DMD: variants seen among roughly 807,000 people sequenced by gnomAD.
The protein encoded by DMD is mutant dystrophin.
Under a neutral mutation model 330.1 loss-of-function variants are expected in DMD, and 63 were observed. That is an observed-to-expected ratio of 0.19 (90% CI 0.16 to 0.24). The LOEUF (loss-of-function observed/expected upper bound fraction) is 0.24, where lower values mean the gene tolerates loss of function less well. DMD is among the 10% of genes least tolerant of loss of function. The pLI is 1.00. For synonymous variants in DMD, 1,223 were observed against 959.8 expected (o/e 1.27, Z -5.07); for missense variants, 3,344 against 2,684.1 (o/e 1.25, Z -5.43).
At chrX:31,362,963 A>C (rs1482205083) in intron 60 of DMD, among the ~76,000 whole-genome samples, 3 of 112,117 alleles carry the variant, frequency 2.7e-5, no homozygotes, top group Non-Finnish European at 3.8e-5. Flanking sequence ...AAACAAAAAC[A>C]AAAACAAACA....
intron 55 of DMD, among the ~76,000 whole-genome samples, chrX:31,606,972 G>A (rs2077643215): frequency 9.0e-6 from 1 of 111,654 alleles, no homozygotes; most frequent in Non-Finnish European, 1.9e-5. Flanking sequence ...CATTTTCACG[G>A]CTCCAGTCAT....
chrX:32,413,473 A>G lies in DMD; in HGVS notation c.4072-1560T>C, dbSNP rs760016506. Among the ~76,000 whole-genome samples the G allele has an allele frequency of 9.9e-5, 11 of 110,914 alleles. No homozygotes were observed. The East Asian group carries it at 3.1e-3, about 31-fold the overall frequency. On this transcript the variant is annotated intron_variant, in intron 29 of 78. Coordinates refer to ENST00000357033, the MANE Select transcript of DMD (RefSeq NM_004006.3). The stretch of plus-strand genomic sequence containing the variant: ...ATCAGTCAATCACTAATTATTTATT[A>G]TACCTTCTAAATAGTTCTTGATTCC...
At chrX:32,613,160 G>A (rs1487500623) in intron 12 of DMD, among the ~76,000 whole-genome samples, 1 of 111,228 alleles carries the variant, frequency 9.0e-6, no homozygotes, top group Non-Finnish European at 1.9e-5. Context: ...GATAAACAAT[G>A]AACAATTTGG....
At chrX:32,363,057 G>T in intron 36 of DMD, 99 bp from the exon 37 acceptor site, 1 of 800,283 alleles carries the variant, frequency 1.2e-6, no homozygotes, top group Non-Finnish European at 1.8e-6. Context: ...AAGTGAGCGA[G>T]AAGAGTGAGA....
chrX:32,615,504 G>A (rs12557132), intron 11 of DMD, among the ~76,000 whole-genome samples: 17,877 of 111,110 alleles, frequency 0.16, 2,719 homozygotes, highest in African/African-American at 0.48. Flanking sequence ...GAGAAGTGCT[G>A]ATGGTTATTT....
intron 2 of DMD, among the ~76,000 whole-genome samples, chrX:33,005,588 A>C (rs2093378012): frequency 1.9e-5 from 2 of 103,249 alleles, no homozygotes; most frequent in South Asian, 8.9e-4. Flanking sequence ...GGAGAGAAAT[A>C]ATTGTATTTT....
At position 31,797,398 on chromosome X, in the gene DMD, C is replaced by A. The variant is rs1453201936; in HGVS notation, c.7309+22577G>T. ...TTAAATTGAAGAGGGATAGGTGATC[C>A]TTGGGTAAGACTATTTAAAGGCACT... On this transcript the variant is annotated intron_variant, in intron 50 of 78. Coordinates refer to ENST00000357033, the MANE Select transcript of DMD (RefSeq NM_004006.3). Among the ~76,000 whole-genome samples, 4 of 110,845 alleles carry A rather than the reference C, an allele frequency of 3.6e-5. No individual in the cohort carries two copies. The East Asian group carries it at 1.1e-3, about 32-fold the overall frequency.
At chrX:32,206,678 G>A (rs2097070618) in intron 44 of DMD, 1 of 495,319 alleles carries the variant, frequency 2.0e-6, no homozygotes. Flanking sequence ...GTGAAGAATT[G>A]CTTCCAGATG....
Position 32,472,308 on chromosome X carries a change from A to T in DMD, c.2805T>A (p.Ile935=). 8.3e-7 allele frequency: 1 copy of T among 1,210,330 alleles called. No individual in the cohort carries two copies. ...VQAREKELQT[I]FDTLPPMRYQ... is the part of the protein sequence containing the mutation. ...AGCGCATTGGTGGCAAAGTGTCAAA[A>T]ACTTTATCAAAAGGGAAAAAAGAAT... The change falls in exon 22 of 79, where the codon ATT becomes ATA. Residue 935 remains isoleucine, a splice_region_variant and synonymous_variant. Coordinates refer to ENST00000357033, the MANE Select transcript of DMD (RefSeq NM_004006.3).
chrX:33,178,574 T>C (rs2049803029), intron 1 of DMD, among the ~76,000 whole-genome samples: 1 of 112,525 alleles, frequency 8.9e-6, no homozygotes, highest in African/African-American at 3.2e-5. Flanking sequence ...CAGATTTTCC[T>C]GAAAAAGTGC....
intron 44 of DMD, among the ~76,000 whole-genome samples, chrX:32,207,217 A>G (rs1330313968): frequency 9.0e-6 from 1 of 110,576 alleles, no homozygotes; most frequent in Non-Finnish European, 1.9e-5. Flanking sequence ...TGACAGTATT[A>G]AGGGGTGGGA....
At chrX:32,380,829 T>C (rs2097921722) in intron 33 of DMD, 149 bp from the exon 34 acceptor site, 6 of 506,688 alleles carry the variant, frequency 1.2e-5, no homozygotes, top group Non-Finnish European at 1.9e-5. Flanking sequence ...AATCATATAT[T>C]CTGAATATTA....
chrX:33,061,880 TC>T (rs1363096887), intron 1 of DMD, among the ~76,000 whole-genome samples: 1 of 111,512 alleles, frequency 9.0e-6, no homozygotes, highest in Non-Finnish European at 1.9e-5. Flanking sequence ...GTTCCAGGTG[TC>T]CCTTTTACTT....
chrX:32,948,113 G>GACACACACACACAAACACAC (rs2090946151), intron 2 of DMD, among the ~76,000 whole-genome samples: 1 of 95,970 alleles, frequency 1.0e-5, no homozygotes, highest in African/African-American at 3.7e-5. Flanking sequence ...GAGAGAAACA[G>GACACACACACACAAACACAC]ACACACACAC....
At chrX:31,699,412 A>C (rs1439647343) in intron 52 of DMD, among the ~76,000 whole-genome samples, 2 of 112,221 alleles carry the variant, frequency 1.8e-5, no homozygotes, top group African/African-American at 3.2e-5. Flanking sequence ...CCCTGGATGG[A>C]CCTTTGGTAA....
intron 60 of DMD, among the ~76,000 whole-genome samples, chrX:31,374,373 G>T (rs905238787): frequency 1.9e-5 from 2 of 107,978 alleles, no homozygotes; most frequent in Non-Finnish European, 3.8e-5. Flanking sequence ...ACATGCACAC[G>T]TACGTTTATT....
rs1451380759 is a variant in DMD, at chrX:32,734,436, C to T, written c.650-35143G>A. On this transcript the variant is annotated intron_variant, in intron 7 of 78. Coordinates refer to ENST00000357033, the MANE Select transcript of DMD (RefSeq NM_004006.3). ...TTATGAGGCCAGCATCATCCTGATACGAAAGCCTGGCAGAGACACAACCAA... is the reference window on the plus strand; with the variant it reads ...TTATGAGGCCAGCATCATCCTGATATGAAAGCCTGGCAGAGACACAACCAA... Among the ~76,000 whole-genome samples, 22 of 105,546 alleles carry T rather than the reference C, an allele frequency of 2.1e-4. No individual in the cohort carries two copies. In the East Asian group the frequency reaches 2.3e-3, roughly 11 times the overall value. 91.7% of individuals were successfully genotyped at this position (105,546 alleles called of 115,157 possible). A position where few individuals can be genotyped will look rare whatever the true frequency, so the allele number is the denominator to read the frequency against.
chrX:33,240,024 T>C (rs2052561831), intron 1 of DMD, among the ~76,000 whole-genome samples: 1 of 111,644 alleles, frequency 9.0e-6, no homozygotes, highest in South Asian at 3.7e-4. Context: ...ATGCCCAAGA[T>C]ACCTTATTAT....
chrX:32,451,638 G>A (rs1268701772), intron 26 of DMD, among the ~76,000 whole-genome samples: 1 of 12,740 alleles, frequency 7.8e-5, no homozygotes, highest in Non-Finnish European at 1.2e-4. Context: ...ATAAACAGAA[G>A]GGGGGGTCTC....
Sources: gnomAD v4.1 joint callset for allele counts (sites outside exome capture counted in the v4.1 genomes callset) on GRCh38, gnomAD v4.1.1 for gene constraint, MANE v1.5 for transcripts, NCBI Gene and HGNC (gene_info 2026-07-23, HGNC 2026-07-21) for gene names.